Variants in HMCN1 observed in about 807,000 individuals in gnomAD.
The protein encoded by HMCN1 is hemicentin 1, also known as hemicentin-1.
In HMCN1, 321 loss-of-function variants were observed where a neutral mutation model predicts 625.9. That is an observed-to-expected ratio of 0.51 (90% confidence interval 0.47 to 0.56). The LOEUF (loss-of-function observed/expected upper bound fraction) is 0.56, where lower values mean the gene tolerates loss of function less well. Ranked by LOEUF, HMCN1 falls within the 20% of genes least tolerant of loss-of-function variation. The pLI, the probability that HMCN1 is intolerant of heterozygous loss-of-function variation, is 0.00. For synonymous variants in HMCN1, 2,425 were observed against 2,417.6 expected (o/e 1.00, Z -0.09); for missense variants, 6,588 against 6,887.3 (o/e 0.96, Z 1.54).
At chr1:186,080,461 T>G (rs1659096871) in intron 55 of HMCN1, among the ~76,000 whole-genome samples, 1 of 152,240 alleles carries the variant, frequency 6.6e-6, no homozygotes, top group Non-Finnish European at 1.5e-5. Context: ...TAAAATTCTA[T>G]GGGTAACGTG....
At chr1:186,070,494 A>T in intron 51 of HMCN1, 118 bp from the exon 52 acceptor site, 1 of 866,374 alleles carries the variant, frequency 1.2e-6, no homozygotes, top group Non-Finnish European at 1.9e-6. Flanking sequence ...AAAGGTCAGC[A>T]TAGAATGCCT....
Position 185,745,120 on chromosome 1 carries a change from G to A in HMCN1, c.268+10073G>A, listed in dbSNP as rs1345537048. Among the ~76,000 whole-genome samples the A allele has an allele frequency of 4.6e-5, 7 of 152,310 alleles. No individual in the cohort carries two copies. In the East Asian group the frequency reaches 1.2e-3, roughly 25 times the overall value. On this transcript the variant is annotated intron_variant, in intron 1 of 106. Transcript: ENST00000271588. Reference sequence around the variant, plus strand: ...GCATAGGATGGAAGAGAAAAGATATGCAAAGTTAGCTTTAAGACACAACGT... The same window carrying A: ...GCATAGGATGGAAGAGAAAAGATATACAAAGTTAGCTTTAAGACACAACGT...
chr1:186,055,689 G>C lies in HMCN1; in HGVS notation c.7144+15G>C. The C allele has an allele frequency of 1.9e-6, 3 of 1,611,386 alleles. No homozygotes were observed. Among genetic ancestry groups the C allele is most frequent in the Non-Finnish European group, 1.7e-6 (2 of 1,178,088 alleles). On this transcript the variant is annotated intron_variant, in intron 45 of 106. Transcript: ENST00000271588. ...AAGTGTCCATGGTAAGTAGAAAGAG[G>C]CTCAATATGTCCATTCACTGGCTAA...
intron 46 of HMCN1, among the ~76,000 whole-genome samples, chr1:186,058,864 G>T (rs190812812): frequency 6.6e-6 from 1 of 151,826 alleles, no homozygotes; most frequent in Non-Finnish European, 1.5e-5. Context: ...GTTTCTTCCC[G>T]ATCTTGGTTT....
At chr1:186,086,102 G>A (rs546854691) in intron 57 of HMCN1, 144 bp from the exon 58 acceptor site, 2 of 734,148 alleles carry the variant, frequency 2.7e-6, no homozygotes, top group East Asian at 2.7e-5. Context: ...AAGGCATTAG[G>A]GAATTGTAAG....
In HMCN1 at chr1:185,815,805, G is replaced by A. The variant is rs1022962272; in HGVS notation, c.269-30221G>A. On this transcript the variant is annotated intron_variant, in intron 1 of 106. Transcript: ENST00000271588. ...AATATAACTGACAATAGTACCATTA[G>A]GCTGCTAGAATTCCTTGCTAAAATA... Among the ~76,000 whole-genome samples the A allele has an allele frequency of 6.7e-5, 10 of 150,136 alleles. 1 individual carries two copies. The highest frequency in any genetic ancestry group is 2.0e-4 in the African/African-American group (8 of 39,582).
chr1:185,796,656 A>G (rs974136788), intron 1 of HMCN1, among the ~76,000 whole-genome samples: 57 of 144,800 alleles, frequency 3.9e-4, no homozygotes, highest in African/African-American at 1.4e-3. Flanking sequence ...GTGTGTGTGT[A>G]TACTCACATA....
At chr1:185,929,601 T>C (rs908937352) in intron 10 of HMCN1, among the ~76,000 whole-genome samples, 1 of 152,180 alleles carries the variant, frequency 6.6e-6, no homozygotes, top group Non-Finnish European at 1.5e-5. Context: ...ACAATGTCTA[T>C]ATTGCTTTTA....
At chr1:186,127,517 G>A (rs1210479609) in intron 82 of HMCN1, among the ~76,000 whole-genome samples, 3 of 152,000 alleles carry the variant, frequency 2.0e-5, no homozygotes, top group African/African-American at 7.2e-5. Context: ...GAAAATAGGC[G>A]AGCATAGTGT....
chr1:185,780,731 G>C (rs1364288178), intron 1 of HMCN1, among the ~76,000 whole-genome samples: 1 of 152,174 alleles, frequency 6.6e-6, no homozygotes, highest in Non-Finnish European at 1.5e-5. Flanking sequence ...TTTTTGATGT[G>C]CTGCTGGATT....
chr1:185,876,899 AGG>A (rs1663973859), intron 4 of HMCN1, among the ~76,000 whole-genome samples: 1 of 151,922 alleles, frequency 6.6e-6, no homozygotes, highest in Non-Finnish European at 1.5e-5. Flanking sequence ...TTTGCTCTGC[AGG>A]AGGTATTTTG....
intron 4 of HMCN1, among the ~76,000 whole-genome samples, chr1:185,881,303 G>T (rs1407971745): frequency 1.3e-5 from 2 of 152,218 alleles, no homozygotes; most frequent in Non-Finnish European, 2.9e-5. Context: ...GCTCTCAATG[G>T]GAAGGGGAGC....
At chr1:186,084,278 C>G (rs1023162719) in intron 57 of HMCN1, among the ~76,000 whole-genome samples, 1 of 152,076 alleles carries the variant, frequency 6.6e-6, no homozygotes, top group East Asian at 1.9e-4. Flanking sequence ...TAAATGTTTT[C>G]TGCATGTTTA....
intron 1 of HMCN1, among the ~76,000 whole-genome samples, chr1:185,750,832 A>G (rs929764679): frequency 4.7e-5 from 7 of 147,636 alleles, no homozygotes; most frequent in Admixed American, 6.7e-5. Flanking sequence ...TTAAAATTCT[A>G]TTTTCCCCCC....
chr1:186,053,464 T>A (rs570852003), intron 43 of HMCN1, among the ~76,000 whole-genome samples: 5 of 152,130 alleles, frequency 3.3e-5, no homozygotes, highest in African/African-American at 1.2e-4. Flanking sequence ...ACACAATAGA[T>A]CTACGTAATA....
At chr1:185,817,261 A>G (rs1051378569) in intron 1 of HMCN1, among the ~76,000 whole-genome samples, 2 of 152,152 alleles carry the variant, frequency 1.3e-5, no homozygotes, top group Non-Finnish European at 2.9e-5. Flanking sequence ...CTGGGAGGGA[A>G]GTGGAACTAC....
chr1:186,135,940 A>G (rs61831316), intron 86 of HMCN1, among the ~76,000 whole-genome samples: 9,359 of 152,264 alleles, frequency 0.061, 366 homozygotes, highest in Non-Finnish European at 0.094. Flanking sequence ...ATATGCTCTC[A>G]GCATCCACCA....
rs1303297801 is a variant in HMCN1, at chr1:185,735,013, T to C, written c.234T>C (p.Leu78=). The change falls in exon 1 of 107, where the codon CTT becomes CTC. Residue 78 remains leucine, a synonymous_variant. Transcript: ENST00000271588. The part of the protein sequence containing the change: ...ETSLKRPKRP[L]FNFALVPFHD... ...CTTTGAAAAGACCTAAAAGACCTCT[T>C]TTCAACTTTGCGTTGGTGCCTTTCC... The C allele has an allele frequency of 6.2e-7, 1 of 1,614,068 alleles. No homozygotes were observed. Among genetic ancestry groups the C allele is most frequent in the Non-Finnish European group, 8.5e-7 (1 of 1,180,040 alleles).
In HMCN1 at chr1:186,052,985, C is replaced by T; in HGVS notation, c.6611C>T (p.Thr2204Ile). Residue 2204 changes from threonine to isoleucine, a missense_variant, in exon 43 of 107, where the codon ACT becomes ATT. By Grantham distance (89) the Thr-to-Ile change is moderately conservative. Around this residue, in one of 3 missense-constraint regions of HMCN1, gnomAD observed 4,628 missense variants for 4,853.1 expected, o/e 0.95. Transcript: ENST00000271588. Reference protein sequence around the residue: ...PPNIGGSDELTQLTVIEGNLI... With the variant: ...PPNIGGSDELIQLTVIEGNLI... ...AATATTGGTGGTTCTGATGAACTTA[C>T]TCAACTTACAGTCATTGAAGGGAAT... The T allele has an allele frequency of 6.2e-7, 1 of 1,607,734 alleles. No homozygotes were observed. Among genetic ancestry groups the T allele is most frequent in the Admixed American group, 1.7e-5 (1 of 59,826 alleles).
Sources: gnomAD v4.1 joint callset for allele counts (sites outside exome capture counted in the v4.1 genomes callset) on GRCh38, gnomAD v4.1.1 for gene constraint, gnomAD v4.1.1 regional missense constraint, MANE v1.5 for transcripts, NCBI Gene and HGNC (gene_info 2026-07-23, HGNC 2026-07-21) for gene names.